Variants in DOCK3 observed in about 807,000 individuals in gnomAD.
DOCK3 encodes dedicator of cytokinesis protein 3.
A neutral mutation model predicts 265.6 loss-of-function variants in DOCK3; 60 were observed. That is an observed-to-expected ratio of 0.23 (90% CI 0.18 to 0.28). The LOEUF (loss-of-function observed/expected upper bound fraction) is 0.28, where lower values mean the gene tolerates loss of function less well. Among genes scored for constraint, DOCK3 ranks in the 10% least tolerant of loss-of-function variants. DOCK3 has a pLI of 1.00. For missense variants in DOCK3, 1,981 were observed against 2,594.3 expected (o/e 0.76, Z 5.14); for synonymous variants, 881 against 938.0 (o/e 0.94, Z 1.11).
chr3:51,260,606 C>T (rs2079799694), intron 23 of DOCK3, among the ~76,000 whole-genome samples: 1 of 152,132 alleles, frequency 6.6e-6, no homozygotes, highest in African/African-American at 2.4e-5. Context: ...ATTTAGCTAC[C>T]ATACTACTTA....
At chr3:50,826,864 A>T (rs2044787554) in intron 2 of DOCK3, among the ~76,000 whole-genome samples, 2 of 152,306 alleles carry the variant, frequency 1.3e-5, no homozygotes, top group South Asian at 2.1e-4. Context: ...ATTAGAGAAG[A>T]TACAATTAGG....
intron 3 of DOCK3, among the ~76,000 whole-genome samples, chr3:50,870,520 T>C (rs1559748523): frequency 1.3e-5 from 2 of 152,248 alleles, no homozygotes; most frequent in East Asian, 3.9e-4. Context: ...AGAGTGCTTC[T>C]TGTAAGCAAA....
chr3:50,678,174 G>A (rs1223695055), intron 1 of DOCK3, among the ~76,000 whole-genome samples: 1 of 151,124 alleles, frequency 6.6e-6, no homozygotes, highest in African/African-American at 2.4e-5. Context: ...TTCTTTTTGT[G>A]GTACTGTAAG....
rs1394325115 is a variant in DOCK3 at position 51,333,306 on chromosome 3, G to A, written c.3611+53G>A. On this transcript the variant is annotated intron_variant, in intron 35 of 52. Transcript: ENST00000266037. ...TTCCCTTGTCAGGATACTCTCTCTG[G>A]CAAGGGAATCCCCCTGACCTGAAAA... 7.1e-6 allele frequency: 11 copies of A among 1,557,284 alleles called. No individual in the cohort carries two copies. The Admixed American group carries it at 1.8e-4, about 26-fold the overall frequency.
chr3:51,249,070 G>A (rs536154047), intron 22 of DOCK3, among the ~76,000 whole-genome samples: 4 of 151,760 alleles, frequency 2.6e-5, no homozygotes, highest in South Asian at 2.1e-4. Flanking sequence ...GAGCGTCTCC[G>A]CCCGGCAGCC....
chr3:51,008,251 C>T (rs1172770889), intron 5 of DOCK3, among the ~76,000 whole-genome samples: 1 of 152,162 alleles, frequency 6.6e-6, no homozygotes, highest in Non-Finnish European at 1.5e-5. Context: ...TCTTCCTATC[C>T]ATGAACATGG....
Position 51,375,784 on chromosome 3 carries a change from G to A in DOCK3, c.5449G>A (p.Val1817Ile), listed in dbSNP as rs1334178512. 6.2e-7 allele frequency: 1 copy of A among 1,613,960 alleles called. No homozygotes were observed. The highest frequency in any genetic ancestry group is 8.5e-7 in the Non-Finnish European group (1 of 1,179,882). ...CCAGCGAGCCCTGTTCCAGCAAGTG[G>A]TCGGAGCCTGCAAACCCTGCAGTGA... is the stretch of plus-strand genomic sequence containing the variant. ...NFQRALFQQV[V>I]GACKPCSDPN... Residue 1817 changes from valine (V) to isoleucine (I), a missense_variant, in exon 51 of 53, where the codon GTC becomes ATC. Coordinates refer to ENST00000266037, the MANE Select transcript of DOCK3 (RefSeq NM_004947.5).
chr3:50,759,879 T>C (rs984638529), intron 1 of DOCK3, among the ~76,000 whole-genome samples: 5 of 151,664 alleles, frequency 3.3e-5, no homozygotes, highest in Admixed American at 3.3e-4. Context: ...AAAATCTGTT[T>C]GTTTGTTGCT....
chr3:50,965,804 A>G (rs1575626506), intron 5 of DOCK3, among the ~76,000 whole-genome samples: 2 of 152,290 alleles, frequency 1.3e-5, no homozygotes, highest in South Asian at 4.1e-4. Context: ...TTTTAGCTTA[A>G]AAATATTTAA....
intron 5 of DOCK3, among the ~76,000 whole-genome samples, chr3:51,029,004 G>C (rs1184798503): frequency 1.3e-5 from 2 of 152,150 alleles, no homozygotes; most frequent in Non-Finnish European, 2.9e-5. Flanking sequence ...CAGAGTTCTT[G>C]TGCTGATTCC....
rs147826251 is a variant in DOCK3, at chr3:50,828,687, G to C, written c.122-12988G>C. On this transcript the variant is annotated intron_variant, in intron 2 of 52. Coordinates refer to ENST00000266037, the MANE Select transcript of DOCK3 (RefSeq NM_004947.5). Reference sequence around the variant, plus strand: ...CCCAAAGTGCTGGGATTACAGGTGTGAGCCATGGCGCCCAACCTTTTACCC... The same window carrying C: ...CCCAAAGTGCTGGGATTACAGGTGTCAGCCATGGCGCCCAACCTTTTACCC... Among the ~76,000 whole-genome samples the C allele has an allele frequency of 1.1e-4, 17 of 152,156 alleles. No individual in the cohort carries two copies. In the East Asian group the frequency reaches 2.7e-3, roughly 24 times the overall value.
intron 7 of DOCK3, among the ~76,000 whole-genome samples, chr3:51,085,762 C>T (rs923174298): frequency 6.6e-6 from 1 of 151,028 alleles, no homozygotes; most frequent in Non-Finnish European, 1.5e-5. Context: ...CTTAAGGACC[C>T]CAAAAAAGGA....
At chr3:51,239,896 A>G (rs535265924) in intron 21 of DOCK3, among the ~76,000 whole-genome samples, 1 of 152,056 alleles carries the variant, frequency 6.6e-6, no homozygotes, top group East Asian at 1.9e-4. Context: ...TCAAAAAATC[A>G]TCCCGGATTC....
chr3:51,045,560 G>A (rs1164663622), intron 5 of DOCK3, among the ~76,000 whole-genome samples: 1 of 152,166 alleles, frequency 6.6e-6, no homozygotes, highest in Non-Finnish European at 1.5e-5. Context: ...GGGTTGCCTA[G>A]TTTTGCAATT....
Position 50,694,290 on chromosome 3 carries a change from T to A in DOCK3, c.37+18990T>A, listed in dbSNP as rs547439356. 2.7e-4 allele frequency among the ~76,000 whole-genome samples: 41 copies of A among 150,934 alleles called. No individual in the cohort carries two copies. In the East Asian group the frequency reaches 3.5e-3, roughly 13 times the overall value. On this transcript the variant is annotated intron_variant, in intron 1 of 52. Coordinates refer to ENST00000266037, the MANE Select transcript of DOCK3 (RefSeq NM_004947.5). ...GTCTCCAAAAAAACTAAAAAAAAAA[T>A]AAAAATAAAAAGAATGGTAAGAGTT...
chr3:51,166,697 AT>A (rs1272217941), intron 12 of DOCK3, among the ~76,000 whole-genome samples: 1 of 151,810 alleles, frequency 6.6e-6, no homozygotes, highest in Non-Finnish European at 1.5e-5. Context: ...TTTGATTTGT[AT>A]TTTCCTGATG....
chr3:51,209,763 A>C (rs1057101760), intron 13 of DOCK3, among the ~76,000 whole-genome samples: 34 of 152,206 alleles, frequency 2.2e-4, no homozygotes, highest in African/African-American at 6.8e-4. Flanking sequence ...GTGAGCAGAT[A>C]CTCAACTAGG....
At chr3:50,936,333 T>C (rs761487316) in intron 5 of DOCK3, among the ~76,000 whole-genome samples, 3 of 151,532 alleles carry the variant, frequency 2.0e-5, no homozygotes, top group African/African-American at 4.8e-5. Context: ...TGTAACACTG[T>C]AGCCTCAGAA....
chr3:50,900,816 G>C (rs1304470925), intron 4 of DOCK3: 1 of 414,780 alleles, frequency 2.4e-6, no homozygotes, highest in Admixed American at 2.8e-5. Flanking sequence ...AGCGGAGGCT[G>C]CAGAACAGCA....
Sources: gnomAD v4.1 joint callset for allele counts (sites outside exome capture counted in the v4.1 genomes callset) on GRCh38, gnomAD v4.1.1 for gene constraint, MANE v1.5 for transcripts, NCBI Gene and HGNC (gene_info 2026-07-23, HGNC 2026-07-21) for gene names.